Variants in THAP9 observed in about 807,000 individuals in gnomAD.
THAP9 encodes DNA transposase THAP9.
A neutral mutation model predicts 35.7 loss-of-function variants in THAP9; 20 were observed. The observed-to-expected ratio is 0.56, with a 90% confidence interval of 0.39 to 0.81. The LOEUF is 0.81. Among genes scored for constraint, THAP9 ranks in the 40% least tolerant of loss-of-function variants. The probability of loss-of-function intolerance (pLI) is 0.00; values close to 1 mark genes in which losing one functional copy is unlikely to be tolerated. For synonymous variants in THAP9, 335 were observed against 373.7 expected, an observed-to-expected ratio of 0.90 and a Z score of 1.19; for missense variants, 870 against 1,047.4, an observed-to-expected ratio of 0.83 and a Z score of 2.34.
intron 3 of THAP9, among the ~76,000 whole-genome samples, chr4:82,907,057 G>A (rs1397407202): frequency 6.6e-6 from 1 of 152,052 alleles, no homozygotes; most frequent in Admixed American, 6.6e-5. Flanking sequence ...CTTTGAGCTT[G>A]GAAATTGTGT....
rs1721072211 is a variant in THAP9 at position 82,917,385 on chromosome 4, T to C, written c.1173T>C (p.Asp391=). The C allele has an allele frequency of 6.2e-7, 1 of 1,613,880 alleles. No individual in the cohort carries two copies. The highest frequency in any genetic ancestry group is 8.5e-7 in the Non-Finnish European group (1 of 1,179,864). Residue 391 remains aspartate, a synonymous_variant, in exon 5 of 5, where the codon GAT becomes GAC. Coordinates refer to ENST00000302236, the MANE Select transcript of THAP9 (RefSeq NM_024672.6). ...CAAAAGCATTGGGGATACATATTGATGGAGACGACATGAAATGTACATTTC... is the reference window on the plus strand; with the variant it reads ...CAAAAGCATTGGGGATACATATTGACGGAGACGACATGAAATGTACATTTC... ...QMAKALGIHI[D]GDDMKCTFQH...
At position 82,900,738 on chromosome 4, in the gene THAP9, G is replaced by T; in HGVS notation, c.-65G>T. On this transcript the variant is annotated 5_prime_UTR_variant, in exon 1 of 5. Transcript: ENST00000302236. Reference sequence around the variant, plus strand: ...CGTAGCCGCAGAGTCAACGGGCGGAGCTAAAGTGGTCGTGATTCATGCTGT... The same window carrying T: ...CGTAGCCGCAGAGTCAACGGGCGGATCTAAAGTGGTCGTGATTCATGCTGT... 1 of 1,565,602 alleles carries T rather than the reference G, an allele frequency of 6.4e-7. No homozygotes were observed. The highest frequency in any genetic ancestry group is 1.7e-5 in the Admixed American group (1 of 59,770).
chr4:82,900,978 G>C, intron 1 of THAP9, 96 bp downstream of exon 1: 1 of 1,425,616 alleles, frequency 7.0e-7, no homozygotes, highest in South Asian at 1.2e-5. Flanking sequence ...ACTGTGGGTC[G>C]CGCCGCGTGT....
chr4:82,910,486 CTGTTA>C (rs1167944471), intron 4 of THAP9, among the ~76,000 whole-genome samples: 1 of 149,008 alleles, frequency 6.7e-6, no homozygotes, highest in Non-Finnish European at 1.5e-5. Context: ...TTTTAGTGTT[CTGTTA>C]TATTAATGGT....
In THAP9 at chr4:82,904,722, T is replaced by C. The variant is rs765522095; in HGVS notation, c.81-14T>C. ...TGTTTTCATGTTAATGGAACTTTAA[T>C]GTGATTGTCATAGATTTCCAACTGA... On this transcript the variant is annotated splice_polypyrimidine_tract_variant and intron_variant, in intron 1 of 4. Transcript: ENST00000302236. 4 of 1,613,220 alleles carry C rather than the reference T, an allele frequency of 2.5e-6. No homozygotes were observed. Among genetic ancestry groups the C allele is most frequent in the Non-Finnish European group, 3.4e-6 (4 of 1,179,332 alleles).
intron 4 of THAP9, among the ~76,000 whole-genome samples, chr4:82,910,439 A>AAT (rs1720824545): frequency 1.1e-4 from 1 of 9,048 alleles, no homozygotes; most frequent in African/African-American, 2.3e-4. Flanking sequence ...CAAGTTAAAT[A>AAT]AAAAAAAAAA....
At position 82,900,887 on chromosome 4, in the gene THAP9, G is replaced by GT; in HGVS notation, c.80+6dup. On this transcript the variant is annotated splice_donor_region_variant and intron_variant, in intron 1 of 4. Coordinates refer to ENST00000302236, the MANE Select transcript of THAP9 (RefSeq NM_024672.6). ...GCGCGGCCTCTCCTTCCACCAGTGC[G>GT]TATGGGAGCAGCCTCGAAGCCTTCG... The GT allele has an allele frequency of 6.2e-7, 1 of 1,613,172 alleles. No homozygotes were observed.
rs776892304 is a variant in THAP9, at chr4:82,917,281, ACT to A, written c.1070_1071del (p.Thr357AsnfsTer3). The A allele has an allele frequency of 1.9e-6, 3 of 1,614,096 alleles. No individual in the cohort carries two copies. Among genetic ancestry groups the A allele is most frequent in the Non-Finnish European group, 2.5e-6 (3 of 1,179,990 alleles). Reference protein sequence around the residue: ...GYLQAQLLRLTIGKLSDIGIT... With the variant: ...GYLQAQLLRLXIGKLSDIGIT... ...TTTGCAGGCTCAGCTGCTTCGTCTG[ACT>A]ATTGGTAAACTGAGTGACATAGGAA... On this transcript the variant is annotated frameshift_variant, in exon 5 of 5. Transcript: ENST00000302236. LOFTEE classifies it high-confidence loss of function.
chr4:82,903,696 C>T (rs951237921), intron 1 of THAP9: 7 of 152,542 alleles, frequency 4.6e-5, no homozygotes, highest in Admixed American at 2.0e-4. Flanking sequence ...TCAGTATAAA[C>T]ATTTTTATCT....
Position 82,904,744 on chromosome 4 carries a change from C to G in THAP9, c.89C>G (p.Thr30Ser), listed in dbSNP as rs777587772. 4.3e-6 allele frequency: 7 copies of G among 1,614,064 alleles called. No homozygotes were observed. In the Admixed American group the frequency reaches 5.0e-5, roughly 12 times the overall value. Residue 30 changes from threonine to serine, a missense_variant, in exon 2 of 5, where the codon ACT (threonine) becomes AGT (serine). Coordinates refer to ENST00000302236, the MANE Select transcript of THAP9 (RefSeq NM_024672.6). ...TAATGTGATTGTCATAGATTTCCAACTGATACCATACAGCGCTCAAAATGG... is the reference window on the plus strand; with the variant it reads ...TAATGTGATTGTCATAGATTTCCAAGTGATACCATACAGCGCTCAAAATGG... ...ERGLSFHQFP[T>S]DTIQRSKWIR... is the part of the protein sequence containing the mutation.
Position 82,918,238 on chromosome 4 carries a change from C to T in THAP9, c.2026C>T (p.Arg676Cys), listed in dbSNP as rs1375557949. ...RKDLALWTVQ[R>C]QYGVSVTKTV... Reference sequence around the variant, plus strand: ...AGACTTGGCGCTTTGGACAGTTCAACGTCAGTATGGTGTCAGCGTTACAAA... The same window carrying T: ...AGACTTGGCGCTTTGGACAGTTCAATGTCAGTATGGTGTCAGCGTTACAAA... Residue 676 changes from arginine to cysteine, a missense_variant, in exon 5 of 5, where the codon CGT becomes TGT. Transcript: ENST00000302236. 4.3e-6 allele frequency: 7 copies of T among 1,614,168 alleles called. No individual in the cohort carries two copies. Among genetic ancestry groups the T allele is most frequent in the Middle Eastern group, 1.6e-4 (1 of 6,062 alleles).
In THAP9 at chr4:82,918,110, C is replaced by A; in HGVS notation, c.1898C>A (p.Ala633Glu). 2 of 1,614,126 alleles carry A rather than the reference C, an allele frequency of 1.2e-6. No individual in the cohort carries two copies. The highest frequency in any genetic ancestry group is 1.7e-6 in the Non-Finnish European group (2 of 1,179,990). Reference sequence around the variant, plus strand: ...ACAAGTTCTAGCCCTACCTGCATGGCATTCCAGAAAGCTTACTATAATTTG... The same window carrying A: ...ACAAGTTCTAGCCCTACCTGCATGGAATTCCAGAAAGCTTACTATAATTTG... ...LVTSSSPTCM[A>E]FQKAYYNLET... Residue 633 changes from alanine to glutamate, a missense_variant, in exon 5 of 5, where the codon GCA (alanine) becomes GAA (glutamate). By Grantham distance (107) the Ala-to-Glu change is moderately radical. Coordinates refer to ENST00000302236, the MANE Select transcript of THAP9 (RefSeq NM_024672.6).
At position 82,917,157 on chromosome 4, in the gene THAP9, G is replaced by A. The variant is rs754062845; in HGVS notation, c.945G>A (p.Thr315=). The change falls in exon 5 of 5, where the codon ACG becomes ACA. Residue 315 remains threonine (T), a synonymous_variant. Transcript: ENST00000302236. The part of the protein sequence containing the change: ...FGLGKLDADE[T]PLASETVLLM... ...TTGGAAAACTTGATGCTGATGAAACGCCACTTGCTTCAGAAACTGTTTTGT... is the reference window on the plus strand; with the variant it reads ...TTGGAAAACTTGATGCTGATGAAACACCACTTGCTTCAGAAACTGTTTTGT... The A allele has an allele frequency of 6.2e-6, 10 of 1,613,352 alleles. No individual in the cohort carries two copies. Among genetic ancestry groups the A allele is most frequent in the Admixed American group, 1.7e-5 (1 of 59,926 alleles).
In THAP9 at chr4:82,918,104, G is replaced by T; in HGVS notation, c.1892G>T (p.Cys631Phe). ...TTAGTAACAAGTTCTAGCCCTACCT[G>T]CATGGCATTCCAGAAAGCTTACTAT... ...QVLVTSSSPT[C>F]MAFQKAYYNL... Residue 631 changes from cysteine to phenylalanine, a missense_variant, in exon 5 of 5, where the codon TGC (cysteine) becomes TTC (phenylalanine). Coordinates refer to ENST00000302236, the MANE Select transcript of THAP9 (RefSeq NM_024672.6). 1.2e-6 allele frequency: 2 copies of T among 1,614,074 alleles called. No individual in the cohort carries two copies. Among genetic ancestry groups the T allele is most frequent in the Non-Finnish European group, 1.7e-6 (2 of 1,179,996 alleles).
In THAP9 at chr4:82,917,261, A is replaced by T. The variant is rs1261525902; in HGVS notation, c.1049A>T (p.Gln350Leu). 2 of 1,614,168 alleles carry T rather than the reference A, an allele frequency of 1.2e-6. No individual in the cohort carries two copies. The highest frequency in any genetic ancestry group is 2.2e-5 in the South Asian group (2 of 91,084). The change falls in exon 5 of 5, where the codon CAG (glutamine) becomes CTG (leucine). Residue 350 changes from glutamine to leucine, a missense_variant. This residue lies in a region of THAP9 where 440 missense variants were observed against 501.2 expected (regional missense o/e 0.88). Transcript: ENST00000302236. ...FFVNRASGYL[Q>L]AQLLRLTIGK... ...GTAAACAGAGCATCTGGATATTTGC[A>T]GGCTCAGCTGCTTCGTCTGACTATT...
At chr4:82,908,107 TG>T (rs939358343) in intron 4 of THAP9, among the ~76,000 whole-genome samples, 172 bp downstream of exon 4, 4 of 152,288 alleles carry the variant, frequency 2.6e-5, no homozygotes, top group African/African-American at 7.2e-5. Context: ...AATGGACTAA[TG>T]AAAAAATGGA....
In THAP9 at chr4:82,917,938, G is replaced by A. The variant is rs1560699722; in HGVS notation, c.1726G>A (p.Gly576Arg). 2 of 1,613,802 alleles carry A rather than the reference G, an allele frequency of 1.2e-6. No individual in the cohort carries two copies. Among genetic ancestry groups the A allele is most frequent in the Non-Finnish European group, 1.7e-6 (2 of 1,179,932 alleles). The change falls in exon 5 of 5, where the codon GGA (glycine) becomes AGA (arginine). Residue 576 changes from glycine to arginine, a missense_variant. Physicochemically the swap from Gly to Arg is moderately radical, Grantham distance 125. This residue lies in a region of THAP9 where 414 missense variants were observed against 500.8 expected (regional missense o/e 0.83). Transcript: ENST00000302236. Reference protein sequence around the residue: ...IKGKQKLGFLGFLLNAESLKW... With the variant: ...IKGKQKLGFLRFLLNAESLKW... ...AGGTAAGCAAAAACTAGGATTCCTG[G>A]GATTTTTGCTCAATGCTGAGAGCTT... is the stretch of plus-strand genomic sequence containing the variant.
intron 3 of THAP9, 22 bp downstream of exon 3, chr4:82,906,649 T>A: frequency 6.5e-7 from 1 of 1,531,856 alleles, no homozygotes; most frequent in Non-Finnish European, 8.8e-7. Context: ...TAGTAACCTG[T>A]AGTATTTACA....
chr4:82,909,282 ATAATTGACCTTCAGAGTGGGCTGCTCTTC>A (rs1201833456), intron 4 of THAP9, among the ~76,000 whole-genome samples: 1 of 152,202 alleles, frequency 6.6e-6, no homozygotes, highest in Non-Finnish European at 1.5e-5. Flanking sequence ...AGATTTAAAA[ATAATTGACCTTCAGAGTGGGCTGCTCTTC>A]TAATTGACCT....
Sources: allele counts gnomAD v4.1 joint callset (sites outside exome capture counted in the v4.1 genomes callset), GRCh38; gene constraint gnomAD v4.1.1; regional missense constraint gnomAD v4.1.1; transcripts MANE v1.5; gene names NCBI Gene and HGNC (gene_info 2026-07-23, HGNC 2026-07-21).